MAP3K7CL: variants seen among roughly 807,000 people sequenced by gnomAD.
MAP3K7CL encodes MAP3K7 C-terminal-like protein.
In MAP3K7CL, 16 loss-of-function variants were observed where a neutral mutation model predicts 18.6. That is an observed-to-expected ratio of 0.86 (90% CI 0.58 to 1.31). The LOEUF (loss-of-function observed/expected upper bound fraction) is 1.31. MAP3K7CL is among the 50% of genes most tolerant of loss of function. The pLI is 0.00. For synonymous variants in MAP3K7CL, 65 were observed against 66.8 expected (o/e 0.97, Z 0.13); for missense variants, 163 against 174.4 (o/e 0.93, Z 0.37).
chr21:29,142,727 G>A (rs528205458), intron 2 of MAP3K7CL, among the ~76,000 whole-genome samples: 1 of 152,306 alleles, frequency 6.6e-6, no homozygotes, highest in African/African-American at 2.4e-5. Flanking sequence ...TTTCCTAGGT[G>A]CTGGGCTTTA....
chr21:29,158,662 TGAA>T (rs1354251539), intron 3 of MAP3K7CL, among the ~76,000 whole-genome samples: 1 of 152,130 alleles, frequency 6.6e-6, no homozygotes, highest in African/African-American at 2.4e-5. Context: ...TCTGTGTCCT[TGAA>T]GAATATAATG....
chr21:29,109,149 T>C, intron 4 of MAP3K7CL: 6 of 1,535,406 alleles, frequency 3.9e-6, no homozygotes, highest in African/African-American at 1.4e-5. Flanking sequence ...TTTCTTCCTC[T>C]TCCCTAACGC....
At chr21:29,151,868 A>G (rs2087284109) in intron 3 of MAP3K7CL, among the ~76,000 whole-genome samples, 1 of 152,304 alleles carries the variant, frequency 6.6e-6, no homozygotes, top group South Asian at 2.1e-4. Flanking sequence ...CTTTAATTCC[A>G]CTTGACATAT....
intron 4 of MAP3K7CL, among the ~76,000 whole-genome samples, chr21:29,108,169 T>C (rs2086356660): frequency 6.6e-6 from 1 of 152,172 alleles, no homozygotes; most frequent in African/African-American, 2.4e-5. Flanking sequence ...ACAGGGTCTT[T>C]AGGACCTAAT....
upstream of MAP3K7CL, chr21:29,085,197 T>C (rs940481291): frequency 2.0e-5 from 3 of 152,232 alleles, no homozygotes; most frequent in Non-Finnish European, 4.4e-5. Context: ...GGGGTGGGAA[T>C]GTGCAAGCCA....
intron 4 of MAP3K7CL, among the ~76,000 whole-genome samples, chr21:29,123,968 A>G (rs2086639733): frequency 6.6e-6 from 1 of 152,240 alleles, no homozygotes; most frequent in Non-Finnish European, 1.5e-5. Flanking sequence ...TATAAATACT[A>G]AAATATAAGA....
At chr21:29,083,193 CT>C (rs537220104), upstream of MAP3K7CL, among the ~76,000 whole-genome samples, 1,209 of 152,308 alleles carry the variant, frequency 7.9e-3, 10 homozygotes, top group South Asian at 0.02. Context: ...AATCTGCCCC[CT>C]GGACTCCAAT....
intron 2 of MAP3K7CL, among the ~76,000 whole-genome samples, chr21:29,146,220 A>C (rs958645755): frequency 6.6e-6 from 1 of 152,186 alleles, no homozygotes; most frequent in Non-Finnish European, 1.5e-5. Flanking sequence ...TCCTTCCAAC[A>C]AGTGCCTGCT....
intron 3 of MAP3K7CL, chr21:29,091,810 A>G: frequency 1.4e-6 from 1 of 694,852 alleles, no homozygotes; most frequent in Non-Finnish European, 2.6e-6. Flanking sequence ...CATGATAGTA[A>G]CTCCCATCTG....
rs182651505 is a variant in MAP3K7CL at position 29,088,611 on chromosome 21, C to T, written c.57+2694C>T. Reference sequence around the variant, plus strand: ...TGCTAATAGGAAATATATTCCATAACACTAGTGCTGTATTTCTTAAAGCTA... The same window carrying T: ...TGCTAATAGGAAATATATTCCATAATACTAGTGCTGTATTTCTTAAAGCTA... On this transcript the variant is annotated intron_variant, in intron 1 of 6. Coordinates refer to the MAP3K7CL transcript ENST00000286791. 4.1e-3 allele frequency among the ~76,000 whole-genome samples: 621 copies of T among 152,276 alleles called. 2 individuals carry two copies. The highest frequency in any genetic ancestry group is 0.014 in the African/African-American group (584 of 41,552).
chr21:29,102,043 A>G (rs1010117796), intron 4 of MAP3K7CL, among the ~76,000 whole-genome samples: 21 of 152,358 alleles, frequency 1.4e-4, no homozygotes, highest in Admixed American at 1.3e-3. Flanking sequence ...ATCTAAAGAA[A>G]GTACCAAGAT....
Position 29,087,242 on chromosome 21 carries a change from C to G in MAP3K7CL, c.57+1325C>G, listed in dbSNP as rs1219415754. On this transcript the variant is annotated intron_variant, in intron 1 of 6. Transcript: ENST00000286791. Reference sequence around the variant, plus strand: ...CCCAGAGAGGGTTTCCTTGACAACTCTGTCTTCAGGAACTTCCTCAATATT... The same window carrying G: ...CCCAGAGAGGGTTTCCTTGACAACTGTGTCTTCAGGAACTTCCTCAATATT... 2.0e-5 allele frequency among the ~76,000 whole-genome samples: 3 copies of G among 152,190 alleles called. No homozygotes were observed. In the South Asian group the frequency reaches 6.2e-4, roughly 31 times the overall value.
chr21:29,155,385 A>T (rs936827848), intron 3 of MAP3K7CL, among the ~76,000 whole-genome samples: 7 of 152,154 alleles, frequency 4.6e-5, no homozygotes, highest in African/African-American at 1.7e-4. Flanking sequence ...ATTTTTGAAG[A>T]GGATGGGGCC....
At chr21:29,092,562 A>T (rs2086047655) in exon 4 of MAP3K7CL, 1 of 1,614,120 alleles carries the variant, frequency 6.2e-7, no homozygotes. Context: ...TGCCCGTGGA[A>T]ATCCCCAGCT....
intron 2 of MAP3K7CL, chr21:29,145,601 G>T (rs2087111106): frequency 6.6e-6 from 1 of 152,208 alleles, no homozygotes; most frequent in South Asian, 2.1e-4. Flanking sequence ...TCAACTTGGG[G>T]CAGCTTTGTA....
At chr21:29,105,124 T>C (rs1355779132) in intron 4 of MAP3K7CL, among the ~76,000 whole-genome samples, 1 of 152,216 alleles carries the variant, frequency 6.6e-6, no homozygotes, top group Non-Finnish European at 1.5e-5. Context: ...TCTGAGTTAG[T>C]GGTGGGATCT....
chr21:29,116,326 A>G (rs967730135), intron 4 of MAP3K7CL, among the ~76,000 whole-genome samples: 1 of 152,248 alleles, frequency 6.6e-6, no homozygotes, highest in Non-Finnish European at 1.5e-5. Flanking sequence ...AAGAAAACTT[A>G]TAAGTACAAA....
chr21:29,113,056 A>T (rs917924217), intron 4 of MAP3K7CL, among the ~76,000 whole-genome samples: 4 of 152,094 alleles, frequency 2.6e-5, no homozygotes, highest in African/African-American at 9.7e-5. Context: ...TGGCCTCCCA[A>T]AGTGCTGGGA....
intron 4 of MAP3K7CL, chr21:29,109,510 G>A: frequency 5.5e-6 from 6 of 1,083,220 alleles, no homozygotes; most frequent in Non-Finnish European, 6.7e-6. Flanking sequence ...CAGAGATACA[G>A]GAATAGATTT....
Sources: allele counts gnomAD v4.1 joint callset (sites outside exome capture counted in the v4.1 genomes callset), GRCh38; gene constraint gnomAD v4.1.1; transcripts MANE v1.5; gene names NCBI Gene and HGNC (gene_info 2026-07-23, HGNC 2026-07-21).